FREM1: variants seen among roughly 807,000 people sequenced by gnomAD.
FREM1 encodes FRAS1 related extracellular matrix 1.
Under a neutral mutation model 210.1 loss-of-function variants are expected in FREM1, and 220 were observed. The observed-to-expected ratio is 1.05, with a 90% CI of 0.94 to 1.17. FREM1 has a LOEUF of 1.17. Ranked by LOEUF, FREM1 falls within the 50% of genes most tolerant of loss-of-function variation. The probability of loss-of-function intolerance (pLI) is 0.00; values close to 1 mark genes in which losing one functional copy is unlikely to be tolerated. For missense variants in FREM1, 3,454 were observed against 2,675.5 expected (o/e 1.29, Z -6.42); for synonymous variants, 1,189 against 980.2 (o/e 1.21, Z -3.98).
In FREM1 at chr9:14,882,912, C is replaced by CA. The variant is rs71323913; in HGVS notation, c.-267-13669dup. On this transcript the variant is annotated intron_variant, in intron 1 of 36. Transcript: ENST00000380880. ...AGGGCAGCAGAGCGAGACTCCATCT[C>CA]AAAAAAAAAAAAAAAAGGAATCACC... Among the ~76,000 whole-genome samples, 23 of 45,416 alleles carry CA rather than the reference C, an allele frequency of 5.1e-4. 1 individual carries two copies. Among genetic ancestry groups the CA allele is most frequent in the Admixed American group, 1.3e-3 (3 of 2,392 alleles). 29.8% of individuals were successfully genotyped at this position (45,416 alleles called of 152,430 possible). A position where few individuals can be genotyped will look rare whatever the true frequency, so the allele number is the denominator to read the frequency against.
upstream of FREM1, chr9:14,910,467 C>G (rs780362193): frequency 6.5e-6 from 1 of 152,938 alleles, no homozygotes; most frequent in African/African-American, 2.4e-5. Context: ...CAGCCTCTCC[C>G]GCCTGCAGCA....
intron 35 of FREM1, 118 bp downstream of exon 35, chr9:14,746,235 A>T (rs1167144292): frequency 1.4e-6 from 1 of 693,622 alleles, no homozygotes; most frequent in African/African-American, 1.8e-5. Context: ...AAACAAAGCC[A>T]GGCAGATATT....
chr9:14,850,931 T>A (rs1827611783), intron 6 of FREM1, among the ~76,000 whole-genome samples: 1 of 151,968 alleles, frequency 6.6e-6, no homozygotes, highest in African/African-American at 2.4e-5. Context: ...TTCAAGAATT[T>A]AAGCATTTTA....
chr9:14,740,163 T>A lies in FREM1; in HGVS notation c.6326A>T (p.Lys2109Met), dbSNP rs763895769. 2.5e-6 allele frequency: 4 copies of A among 1,612,278 alleles called. No homozygotes were observed. The South Asian group carries it at 4.4e-5, about 18-fold the overall frequency. The change falls in exon 36 of 37, where the codon AAG becomes ATG. Residue 2109 changes from lysine (K) to methionine (M), a missense_variant. Physicochemically the swap from Lys to Met is moderately conservative, Grantham distance 95. Transcript: ENST00000380880. Reference sequence around the variant, plus strand: ...CAGATACTTGCCTATCCAAAAGGACTTTCTCCCACCAATGTCCCAGAGCCA... The same window carrying A: ...CAGATACTTGCCTATCCAAAAGGACATTCTCCCACCAATGTCCCAGAGCCA... ...MRWLWDIGGR[K>M]SFWIGLNDQV...
rs1818468197 is a variant in FREM1 at position 14,910,063 on chromosome 9, C to G, written c.-417G>C. The G allele has an allele frequency of 6.6e-6, 1 of 152,232 alleles. No individual in the cohort carries two copies. Among genetic ancestry groups the G allele is most frequent in the African/African-American group, 2.4e-5 (1 of 41,454 alleles). 9.4% of individuals were successfully genotyped at this position (152,232 alleles called of 1,614,324 possible). ...CCCGGGAAGGAAGAGAGCTGAAATT[C>G]CAGTCTTTCAGGTCAGCTGTGTTTG... On this transcript the variant is annotated 5_prime_UTR_variant, in exon 1 of 37. Transcript: ENST00000380880.
intron 35 of FREM1, among the ~76,000 whole-genome samples, chr9:14,743,970 C>T (rs986521044): frequency 6.6e-6 from 1 of 152,200 alleles, no homozygotes; most frequent in East Asian, 1.9e-4. Context: ...ATTTTAACAG[C>T]TTAACCATCT....
intron 1 of FREM1, among the ~76,000 whole-genome samples, chr9:14,904,722 G>C (rs10961786): frequency 0.17 from 25,117 of 152,034 alleles, 2,299 homozygotes; most frequent in Middle Eastern, 0.22. Flanking sequence ...CAGAGAGGGA[G>C]TGTGGATTAG....
At chr9:14,776,755 A>C (rs1225289396) in intron 24 of FREM1, among the ~76,000 whole-genome samples, 1 of 152,202 alleles carries the variant, frequency 6.6e-6, no homozygotes, top group Non-Finnish European at 1.5e-5. Context: ...TCAGACATGT[A>C]ATCTCACTTA....
chr9:14,838,516 C>T lies in FREM1; in HGVS notation c.1881+2931G>A, dbSNP rs139952135. 7.7e-3 allele frequency among the ~76,000 whole-genome samples: 1,172 copies of T among 152,134 alleles called. 5 individuals are homozygous for T. The highest frequency in any genetic ancestry group is 0.012 in the Non-Finnish European group (796 of 67,984). ...ACACACACACACACACACATACACA[C>T]AATACTTGTTTCATTGGCATGCACA... is the stretch of plus-strand genomic sequence containing the variant. On this transcript the variant is annotated intron_variant, in intron 10 of 36. Transcript: ENST00000380880.
intron 1 of FREM1, among the ~76,000 whole-genome samples, chr9:14,875,734 G>A (rs1833589906): frequency 6.6e-6 from 1 of 152,142 alleles, no homozygotes; most frequent in Non-Finnish European, 1.5e-5. Flanking sequence ...GCATTCCTTT[G>A]GAGGAGGAGA....
intron 22 of FREM1, chr9:14,790,563 T>C (rs1478211062): frequency 6.6e-6 from 1 of 152,200 alleles, no homozygotes; most frequent in Non-Finnish European, 1.5e-5. Context: ...TCCTCTCTCT[T>C]GTCTCCATGT....
At chr9:14,857,346 C>A (rs988333298) in intron 5 of FREM1, among the ~76,000 whole-genome samples, 1 of 152,146 alleles carries the variant, frequency 6.6e-6, no homozygotes, top group Non-Finnish European at 1.5e-5. Context: ...AGAAGAGAAC[C>A]AGAGAAGGGA....
intron 13 of FREM1, 90 bp downstream of exon 13, chr9:14,823,070 G>T: frequency 1.1e-6 from 1 of 950,814 alleles, no homozygotes. Flanking sequence ...TAAAAAACTA[G>T]CCTAAAGGAA....
chr9:14,834,717 T>C (rs544281388), intron 10 of FREM1, among the ~76,000 whole-genome samples: 28 of 152,294 alleles, frequency 1.8e-4, no homozygotes, highest in African/African-American at 6.5e-4. Flanking sequence ...TTTAGTCACA[T>C]GAGATTGCCA....
intron 1 of FREM1, among the ~76,000 whole-genome samples, chr9:14,907,214 A>AG (rs34437286): frequency 0.78 from 119,008 of 152,104 alleles, 47,017 homozygotes; most frequent in Middle Eastern, 0.84. Context: ...CTATGTTGTC[A>AG]AAAAGCACAT....
intron 30 of FREM1, among the ~76,000 whole-genome samples, chr9:14,749,350 A>G (rs1842958152): frequency 6.6e-6 from 1 of 152,214 alleles, no homozygotes. Flanking sequence ...GATATTATAA[A>G]GAAAAGAGGG....
intron 19 of FREM1, among the ~76,000 whole-genome samples, chr9:14,804,209 A>C (rs889407283): frequency 1.6e-4 from 25 of 152,218 alleles, no homozygotes; most frequent in African/African-American, 5.1e-4. Flanking sequence ...AATTATGCGA[A>C]GCTTAAAGTC....
At chr9:14,795,747 T>A (rs192265423) in intron 21 of FREM1, among the ~76,000 whole-genome samples, 1 of 152,304 alleles carries the variant, frequency 6.6e-6, no homozygotes, top group East Asian at 1.9e-4. Flanking sequence ...TCAGTCAGGA[T>A]AATAATATGC....
chr9:14,852,131 G>C (rs963758170), intron 5 of FREM1, among the ~76,000 whole-genome samples: 2 of 152,158 alleles, frequency 1.3e-5, no homozygotes, highest in African/African-American at 4.8e-5. Context: ...CTGTCATGTA[G>C]TTTTAAAGGG....
Sources: gnomAD v4.1 joint callset for allele counts (sites outside exome capture counted in the v4.1 genomes callset) on GRCh38, gnomAD v4.1.1 for gene constraint, MANE v1.5 for transcripts, NCBI Gene and HGNC (gene_info 2026-07-23, HGNC 2026-07-21) for gene names.